PAG1: variants seen among roughly 807,000 people sequenced by gnomAD.
The protein encoded by PAG1 is phosphoprotein associated with glycosphingolipid-enriched microdomains 1.
A neutral mutation model predicts 31.7 loss-of-function variants in PAG1; 23 were observed. The ratio of observed to expected loss-of-function variants is 0.73; its 90% CI spans 0.52 to 1.03. The LOEUF is 1.03. PAG1 is among the 50% of genes least tolerant of loss of function. The pLI is 0.00. For synonymous variants in PAG1, 214 were observed against 210.3 expected (o/e 1.02, Z -0.15); for missense variants, 473 against 540.7 (o/e 0.87, Z 1.24).
At position 81,035,113 on chromosome 8, in the gene PAG1, T is replaced by C. The variant is rs76961385; in HGVS notation, c.-174-5024A>G. ...GGCAAAGCTATCAGCAAAGAGTAAA[T>C]AGGTTGGTGAAGTCAGGAGGGTCGT... is the stretch of plus-strand genomic sequence containing the variant. On this transcript the variant is annotated intron_variant, in intron 2 of 8. Coordinates refer to ENST00000220597, the MANE Select transcript of PAG1 (RefSeq NM_018440.4). Among the ~76,000 whole-genome samples the C allele has an allele frequency of 2.2e-3, 334 of 152,014 alleles. 1 individual carries two copies. Among genetic ancestry groups the C allele is most frequent in the African/African-American group, 7.8e-3 (324 of 41,472 alleles).
At chr8:81,054,477 A>G (rs1195631449) in intron 2 of PAG1, among the ~76,000 whole-genome samples, 1 of 152,114 alleles carries the variant, frequency 6.6e-6, no homozygotes, top group Non-Finnish European at 1.5e-5. Context: ...GATAGAGACC[A>G]TCCTGGCTAA....
At chr8:81,008,333 A>G (rs1807922026) in intron 3 of PAG1, among the ~76,000 whole-genome samples, 1 of 152,070 alleles carries the variant, frequency 6.6e-6, no homozygotes, top group African/African-American at 2.4e-5. Context: ...CAACTGGCTC[A>G]CTAGTAGTCA....
In PAG1 at chr8:80,973,182, C is replaced by CTAATGA. The variant is rs1807112903; in HGVS notation, c.*3356_*3361dup. 6.6e-6 allele frequency: 1 copy of CTAATGA among 151,824 alleles called. No individual in the cohort carries two copies. Among genetic ancestry groups the CTAATGA allele is most frequent in the Non-Finnish European group, 1.5e-5 (1 of 67,976 alleles). 9.4% of individuals were successfully genotyped at this position (151,824 alleles called of 1,614,324 possible). A position where few individuals can be genotyped will look rare whatever the true frequency, so the allele number is the denominator to read the frequency against. ...GGTAGCTTCAAAAGCTTCAACAGAC[C>CTAATGA]TAATGATGTAATTTATTCAGGACAG... On this transcript the variant is annotated 3_prime_UTR_variant, in exon 9 of 9. Coordinates refer to ENST00000220597, the MANE Select transcript of PAG1 (RefSeq NM_018440.4).
At chr8:81,055,784 T>C (rs1222826544) in intron 2 of PAG1, among the ~76,000 whole-genome samples, 2 of 152,212 alleles carry the variant, frequency 1.3e-5, no homozygotes, top group East Asian at 3.9e-4. Flanking sequence ...ATAAGAATGC[T>C]TGTGATTTTT....
At chr8:81,031,626 A>T (rs538705906) in intron 2 of PAG1, among the ~76,000 whole-genome samples, 2 of 152,342 alleles carry the variant, frequency 1.3e-5, no homozygotes, top group East Asian at 1.9e-4. Flanking sequence ...CAATTTTTTA[A>T]AAAATGTCAA....
At chr8:80,997,556 A>G (rs1339333779) in intron 3 of PAG1, among the ~76,000 whole-genome samples, 1 of 152,200 alleles carries the variant, frequency 6.6e-6, no homozygotes, top group East Asian at 1.9e-4. Context: ...CACCCAGCCT[A>G]TTTCTTCAAA....
chr8:81,005,568 T>C (rs1040604953), intron 3 of PAG1, among the ~76,000 whole-genome samples: 10 of 152,246 alleles, frequency 6.6e-5, no homozygotes, highest in Admixed American at 3.9e-4. Flanking sequence ...TTGGACCCGA[T>C]ACAAAAGGCA....
In PAG1 at chr8:81,091,595, A is replaced by AGATACAGTAACAATATGATTTTATAATCG. The variant is rs1296711111; in HGVS notation, c.-234+19995_-234+19996insCGATTATAAAATCATATTGTTACTGTATC. ...AGGCCATTATACTACAACATAGAAA[A>AGATACAGTAACAATATGATTTTATAATCG]GATACAGTAACAATATGATTTTATA... is the stretch of plus-strand genomic sequence containing the variant. On this transcript the variant is annotated intron_variant, in intron 1 of 8. Transcript: ENST00000220597. 9.8e-5 allele frequency among the ~76,000 whole-genome samples: 15 copies of AGATACAGTAACAATATGATTTTATAATCG among 152,332 alleles called. No homozygotes were observed. In the East Asian group the frequency reaches 2.9e-3, roughly 29 times the overall value.
chr8:81,050,693 CAGAA>C (rs201695685), intron 2 of PAG1, among the ~76,000 whole-genome samples: 2,670 of 152,168 alleles, frequency 0.018, 85 homozygotes, highest in African/African-American at 0.06. Context: ...GATAGGAAAA[CAGAA>C]AGACAAGTAA....
At chr8:81,006,498 C>T (rs969021306) in intron 3 of PAG1, among the ~76,000 whole-genome samples, 4 of 152,078 alleles carry the variant, frequency 2.6e-5, no homozygotes, top group East Asian at 1.9e-4. Context: ...AATCTCATAG[C>T]GGGTCCCCAG....
intron 2 of PAG1, among the ~76,000 whole-genome samples, chr8:81,064,899 T>A (rs950043498): frequency 2.0e-5 from 3 of 152,212 alleles, no homozygotes; most frequent in African/African-American, 4.8e-5. Flanking sequence ...GGTACTGTAG[T>A]GAATGGCATT....
chr8:81,030,044 A>G lies in PAG1; in HGVS notation c.-129T>C, dbSNP rs913639137. 1 of 152,230 alleles carries G rather than the reference A, an allele frequency of 6.6e-6. No homozygotes were observed. The highest frequency in any genetic ancestry group is 2.1e-4 in the South Asian group (1 of 4,834). 9.4% of individuals were successfully genotyped at this position (152,230 alleles called of 1,614,324 possible). The stretch of plus-strand genomic sequence containing the variant: ...AGAGTATTCCAAGTTCTGGCAATGT[A>G]TTCCCTTTGAAATGTTGTGGTGAGA... On this transcript the variant is annotated 5_prime_UTR_variant, in exon 3 of 9. Transcript: ENST00000220597.
intron 2 of PAG1, among the ~76,000 whole-genome samples, chr8:81,033,226 T>A (rs1808403988): frequency 1.3e-5 from 2 of 152,022 alleles, no homozygotes; most frequent in Admixed American, 6.6e-5. Flanking sequence ...TAAAAAAAAA[T>A]GGCAAACCCC....
intron 1 of PAG1, among the ~76,000 whole-genome samples, chr8:81,092,462 C>A (rs1334316861): frequency 1.3e-5 from 2 of 152,234 alleles, no homozygotes; most frequent in South Asian, 2.1e-4. Context: ...TACATTTATT[C>A]TGAATATAAT....
In PAG1 at chr8:81,058,273, C is replaced by T. The variant is rs144031282; in HGVS notation, c.-175+11839G>A. Reference sequence around the variant, plus strand: ...ACAACAGCAGCACAAAGAAAAGAAACCATCCTTCTGCAGGTTTCAATGTGT... The same window carrying T: ...ACAACAGCAGCACAAAGAAAAGAAATCATCCTTCTGCAGGTTTCAATGTGT... On this transcript the variant is annotated intron_variant, in intron 2 of 8. Coordinates refer to ENST00000220597, the MANE Select transcript of PAG1 (RefSeq NM_018440.4). 1.7e-3 allele frequency among the ~76,000 whole-genome samples: 257 copies of T among 152,246 alleles called. 2 individuals carry two copies. Among genetic ancestry groups the T allele is most frequent in the African/African-American group, 5.9e-3 (246 of 41,534 alleles).
chr8:81,016,353 T>C (rs1808072433), intron 3 of PAG1, among the ~76,000 whole-genome samples: 1 of 152,198 alleles, frequency 6.6e-6, no homozygotes, highest in African/African-American at 2.4e-5. Context: ...GCTATCAGGT[T>C]ATTATACCTG....
chr8:81,079,643 G>C (rs934065662), intron 1 of PAG1, among the ~76,000 whole-genome samples: 1 of 152,120 alleles, frequency 6.6e-6, no homozygotes, highest in African/African-American at 2.4e-5. Context: ...AAGACCAATA[G>C]GGGTGGAGGG....
At chr8:81,058,457 G>C (rs1808863501) in intron 2 of PAG1, 1 of 152,216 alleles carries the variant, frequency 6.6e-6, no homozygotes, top group Non-Finnish European at 1.5e-5. Flanking sequence ...AATTGATTTG[G>C]GGGTCCTTTT....
intron 8 of PAG1, among the ~76,000 whole-genome samples, chr8:80,977,311 G>A (rs75969894): frequency 0.033 from 5,073 of 152,274 alleles, 300 homozygotes; most frequent in African/African-American, 0.11. Flanking sequence ...ATAGTAGACC[G>A]GTGATTCTCA....
Sources: gnomAD v4.1 joint callset for allele counts (sites outside exome capture counted in the v4.1 genomes callset) on GRCh38, gnomAD v4.1.1 for gene constraint, MANE v1.5 for transcripts, NCBI Gene and HGNC (gene_info 2026-07-23, HGNC 2026-07-21) for gene names.